ZNF423: variants seen among roughly 807,000 people sequenced by gnomAD.
ZNF423 encodes zinc finger protein 423, also known as Ebf-associated zinc finger protein.
Under a neutral mutation model 95.8 loss-of-function variants are expected in ZNF423, and 12 were observed. The observed-to-expected ratio is 0.13, with a 90% CI of 0.08 to 0.20. ZNF423 has a LOEUF of 0.20. ZNF423 is among the 10% of genes least tolerant of loss of function. ZNF423 has a pLI of 1.00. For synonymous variants in ZNF423, 749 were observed against 711.9 expected, an observed-to-expected ratio of 1.05 and a Z score of -0.83; for missense variants, 1,316 against 1,737.1, an observed-to-expected ratio of 0.76 and a Z score of 4.31.
At chr16:49,533,357 C>G (rs1288977392) in intron 5 of ZNF423, among the ~76,000 whole-genome samples, 1 of 152,196 alleles carries the variant, frequency 6.6e-6, no homozygotes, top group Non-Finnish European at 1.5e-5. Flanking sequence ...GGCTGGCTGC[C>G]TCAACCACCC....
chr16:49,795,515 G>C (rs1484277411), intron 1 of ZNF423, among the ~76,000 whole-genome samples: 4 of 152,220 alleles, frequency 2.6e-5, no homozygotes, highest in Non-Finnish European at 4.4e-5. Flanking sequence ...CCATGCAATG[G>C]GAATCATCAT....
At chr16:49,580,302 A>G (rs938540190) in intron 5 of ZNF423, among the ~76,000 whole-genome samples, 2 of 152,044 alleles carry the variant, frequency 1.3e-5, no homozygotes, top group Non-Finnish European at 2.9e-5. Context: ...TTTAAACCTC[A>G]GCTTGACCAA....
intron 4 of ZNF423, among the ~76,000 whole-genome samples, chr16:49,629,662 C>A (rs986527890): frequency 6.6e-6 from 1 of 152,246 alleles, no homozygotes; most frequent in African/African-American, 2.4e-5. Context: ...CTGCTCCCCT[C>A]TTGCACCATG....
chr16:49,779,264 G>A (rs2034170691), intron 2 of ZNF423, among the ~76,000 whole-genome samples: 1 of 151,864 alleles, frequency 6.6e-6, no homozygotes. Flanking sequence ...GAACCAAGCA[G>A]AGGGCAGCGG....
intron 1 of ZNF423, among the ~76,000 whole-genome samples, chr16:49,812,129 C>T (rs1206676135): frequency 6.6e-6 from 1 of 152,246 alleles, no homozygotes; most frequent in Non-Finnish European, 1.5e-5. Flanking sequence ...AGGGAGTCCT[C>T]AACCATCCTC....
intron 5 of ZNF423, among the ~76,000 whole-genome samples, chr16:49,559,481 C>A (rs912381563): frequency 6.6e-6 from 1 of 152,218 alleles, no homozygotes; most frequent in Non-Finnish European, 1.5e-5. Context: ...TCCTCCAACT[C>A]TCTCCTGCTG....
At chr16:49,502,078 G>C (rs534395006) in intron 7 of ZNF423, among the ~76,000 whole-genome samples, 1 of 152,256 alleles carries the variant, frequency 6.6e-6, no homozygotes, top group South Asian at 2.1e-4. Context: ...AAACTTTCTT[G>C]ATGTTTAAAG....
chr16:49,690,450 GA>G (rs1178647792), intron 3 of ZNF423, among the ~76,000 whole-genome samples: 5 of 152,220 alleles, frequency 3.3e-5, no homozygotes, highest in Non-Finnish European at 7.3e-5. Flanking sequence ...TCATGCTCAG[GA>G]TTTGAGGCTG....
At chr16:49,619,672 T>C (rs1971990407) in intron 5 of ZNF423, among the ~76,000 whole-genome samples, 2 of 152,160 alleles carry the variant, frequency 1.3e-5, no homozygotes, top group South Asian at 2.1e-4. Context: ...ACCTGAAACA[T>C]GATCTCTGGA....
chr16:49,785,335 C>T (rs923944807), intron 2 of ZNF423, among the ~76,000 whole-genome samples: 4 of 152,210 alleles, frequency 2.6e-5, no homozygotes, highest in Non-Finnish European at 4.4e-5. Context: ...CCTGCCTTGA[C>T]CTCACAAAGT....
In ZNF423 at chr16:49,658,707, G is replaced by A. The variant is rs534570300; in HGVS notation, c.302-19833C>T. ...GAGTTCCAGTTTGTTTGGCCAGCAC[G>A]TCAGGTCCCTGAAGGCAGCTGTGGC... On this transcript the variant is annotated intron_variant, in intron 3 of 7. Coordinates refer to ENST00000563137, the MANE Select transcript of ZNF423 (RefSeq NM_001379286.1). 5.9e-5 allele frequency among the ~76,000 whole-genome samples: 9 copies of A among 152,362 alleles called. No homozygotes were observed. In the South Asian group the frequency reaches 8.3e-4, roughly 14 times the overall value.
chr16:49,794,996 C>G (rs901980840), intron 1 of ZNF423, among the ~76,000 whole-genome samples: 1 of 152,138 alleles, frequency 6.6e-6, no homozygotes, highest in Non-Finnish European at 1.5e-5. Flanking sequence ...CTCAGCCTCC[C>G]GAGTAGCTGG....
chr16:49,789,583 A>G, intron 1 of ZNF423, 37 bp from the exon 2 acceptor site: 1 of 1,601,200 alleles, frequency 6.2e-7, no homozygotes, highest in South Asian at 1.1e-5. Context: ...GTGAGTTTGA[A>G]GGCTGTACAA....
intron 1 of ZNF423, among the ~76,000 whole-genome samples, chr16:49,819,325 C>T (rs1195900480): frequency 1.3e-5 from 2 of 151,476 alleles, no homozygotes; most frequent in African/African-American, 2.4e-5. Flanking sequence ...CCATATGTGG[C>T]TAGTGGCTAC....
chr16:49,601,856 G>A (rs1273895038), intron 5 of ZNF423, among the ~76,000 whole-genome samples: 2 of 152,192 alleles, frequency 1.3e-5, no homozygotes, highest in African/African-American at 4.8e-5. Context: ...GAAACAGATG[G>A]GCAGCCTCAG....
At chr16:49,577,482 G>C (rs1970535006) in intron 5 of ZNF423, among the ~76,000 whole-genome samples, 1 of 152,044 alleles carries the variant, frequency 6.6e-6, no homozygotes, top group African/African-American at 2.4e-5. Flanking sequence ...GCAAGGCCCA[G>C]CGACCAGCCA....
intron 5 of ZNF423, among the ~76,000 whole-genome samples, chr16:49,535,226 T>C (rs1334959068): frequency 1.3e-5 from 2 of 152,220 alleles, no homozygotes; most frequent in Non-Finnish European, 2.9e-5. Context: ...CTTCCAGCTC[T>C]GAGAGCTGAT....
chr16:49,732,227 G>A (rs903819228), intron 2 of ZNF423, among the ~76,000 whole-genome samples: 1 of 152,180 alleles, frequency 6.6e-6, no homozygotes, highest in Admixed American at 6.5e-5. Context: ...TCACTTCCCT[G>A]CACAACTGTG....
intron 1 of ZNF423, among the ~76,000 whole-genome samples, chr16:49,819,745 T>G (rs796390091): frequency 3.3e-5 from 5 of 152,284 alleles, no homozygotes; most frequent in African/African-American, 1.2e-4. Context: ...CATCCATGAG[T>G]ATCTGATTAC....
Sources: allele counts gnomAD v4.1 joint callset (sites outside exome capture counted in the v4.1 genomes callset), GRCh38; gene constraint gnomAD v4.1.1; transcripts MANE v1.5; gene names NCBI Gene and HGNC (gene_info 2026-07-23, HGNC 2026-07-21).